Variants in BCAN observed in about 807,000 individuals in gnomAD.
BCAN encodes brevican, also known as brevican core protein.
A neutral mutation model predicts 92.4 loss-of-function variants in BCAN; 51 were observed. The observed-to-expected ratio is 0.55, with a 90% confidence interval of 0.44 to 0.70. The LOEUF is 0.70. Ranked by LOEUF, BCAN falls within the 30% of genes least tolerant of loss-of-function variation. The pLI, the probability that BCAN is intolerant of heterozygous loss-of-function variation, is 0.00. For missense variants in BCAN, 1,140 were observed against 1,212.1 expected (o/e 0.94, Z 0.88); for synonymous variants, 501 against 505.2 (o/e 0.99, Z 0.11).
Position 156,659,132 on chromosome 1 carries a change from TA to T in BCAN, c.2735del (p.Ter912TrpfsTer31). On this transcript the variant is annotated frameshift_variant and stop_lost, in exon 14 of 14. Coordinates refer to ENST00000329117, the MANE Select transcript of BCAN (RefSeq NM_021948.5). LOFTEE classifies it high-confidence loss of function. ...CCCTTCCAGCCCCATGCCAGGTCCCTAGGGGGCAAGGCCTTGAACACTGCCG... is the reference window on the plus strand; with the variant it reads ...CCCTTCCAGCCCCATGCCAGGTCCCTGGGGGCAAGGCCTTGAACACTGCCG... ...IPPSSPMPGP* is the reference protein window; with the variant it reads ...IPPSSPMPGPX 1 of 1,570,946 alleles carries T rather than the reference TA, an allele frequency of 6.4e-7. No individual in the cohort carries two copies. The highest frequency in any genetic ancestry group is 1.2e-5 in the South Asian group (1 of 85,572).
Position 156,657,738 on chromosome 1 carries a change from G to A in BCAN, c.2273G>A (p.Trp758Ter). 3 of 1,612,154 alleles carry A rather than the reference G, an allele frequency of 1.9e-6. No homozygotes were observed. The highest frequency in any genetic ancestry group is 1.1e-5 in the South Asian group (1 of 90,988). ...NDRTIEGDFL[W>*]SDGVPLLYEN... The stretch of plus-strand genomic sequence containing the variant: ...AGGACCATCGAAGGCGACTTCTTGT[G>A]GTCGGATGGCGTCCCCCTGGTGAGA... The change falls in exon 11 of 14, where the codon TGG becomes TAG. Residue 758 changes from tryptophan to a stop codon, truncating the protein, a stop_gained. Coordinates refer to ENST00000329117, the MANE Select transcript of BCAN (RefSeq NM_021948.5). LOFTEE classifies it high-confidence loss of function.
At position 156,648,051 on chromosome 1, in the gene BCAN, A is replaced by AT; in HGVS notation, c.711dup (p.Gly238TrpfsTer7). Reference sequence around the variant, plus strand: ...GATGGCTTCCCCGGGGTCCGGAACTATGGTGTGGTGGACCCGGATGACCTC... The same window carrying AT: ...GATGGCTTCCCCGGGGTCCGGAACTATTGGTGTGGTGGACCCGGATGACCTC... On this transcript the variant is annotated frameshift_variant, in exon 5 of 14. Coordinates refer to ENST00000329117, the MANE Select transcript of BCAN (RefSeq NM_021948.5). LOFTEE classifies it high-confidence loss of function. The AT allele has an allele frequency of 6.2e-7, 1 of 1,613,998 alleles. No homozygotes were observed. The highest frequency in any genetic ancestry group is 8.5e-7 in the Non-Finnish European group (1 of 1,179,962).
At chr1:156,653,200 G>C in intron 8 of BCAN, 1 of 1,348,512 alleles carries the variant, frequency 7.4e-7, no homozygotes, top group Non-Finnish European at 9.5e-7. Flanking sequence ...GCATCCTCAG[G>C]CCTCTCCAAG....
At position 156,659,016 on chromosome 1, in the gene BCAN, G is replaced by T; in HGVS notation, c.2629-11G>T. ...GAGCCAGGGTGGAGGGTGAGTGTGTGTCTTCCCCAGGCCCGAGCTCTGCAC... is the reference window on the plus strand; with the variant it reads ...GAGCCAGGGTGGAGGGTGAGTGTGTTTCTTCCCCAGGCCCGAGCTCTGCAC... On this transcript the variant is annotated splice_polypyrimidine_tract_variant and intron_variant, in intron 13 of 13. Transcript: ENST00000329117. 2 of 1,586,900 alleles carry T rather than the reference G, an allele frequency of 1.3e-6. No individual in the cohort carries two copies.
At position 156,648,631 on chromosome 1, in the gene BCAN, A is replaced by G. The variant is rs149116029; in HGVS notation, c.833A>G (p.Gln278Arg). ...LTLEEARAYCQERGAEIATTG... is the reference protein window; with the variant it reads ...LTLEEARAYCRERGAEIATTG... ...TTGGAGGAAGCACGGGCGTACTGCCAGGAGCGGGGTGCAGAGATTGCCACC... is the reference window on the plus strand; with the variant it reads ...TTGGAGGAAGCACGGGCGTACTGCCGGGAGCGGGGTGCAGAGATTGCCACC... Residue 278 changes from glutamine to arginine, a missense_variant, in exon 6 of 14, where the codon CAG (glutamine) becomes CGG (arginine). By Grantham distance (43) the Gln-to-Arg change is conservative. Around this residue, in one of 3 missense-constraint regions of BCAN, gnomAD observed 825 missense variants for 871.8 expected, o/e 0.95. Transcript: ENST00000329117. The G allele has an allele frequency of 6.2e-7, 1 of 1,610,372 alleles. No individual in the cohort carries two copies. Among genetic ancestry groups the G allele is most frequent in the African/African-American group, 1.3e-5 (1 of 74,862 alleles).
At chr1:156,655,039 C>T (rs1488610832) in intron 8 of BCAN, among the ~76,000 whole-genome samples, 6 of 152,240 alleles carry the variant, frequency 3.9e-5, no homozygotes, top group Non-Finnish European at 8.8e-5. Context: ...CACTGTGGAC[C>T]TTGGCCATGG....
chr1:156,658,320 TA>T lies in BCAN; in HGVS notation c.2437+50del. 1 of 1,601,518 alleles carries T rather than the reference TA, an allele frequency of 6.2e-7. No homozygotes were observed. The highest frequency in any genetic ancestry group is 8.5e-7 in the Non-Finnish European group (1 of 1,173,036). ...CCAGCAAGGAAGTGGAGGGGTGGGC[TA>T]GGGGACCAGAGGGACTGATGTTTGT... is the stretch of plus-strand genomic sequence containing the variant. On this transcript the variant is annotated intron_variant, in intron 12 of 13. Coordinates refer to ENST00000329117, the MANE Select transcript of BCAN (RefSeq NM_021948.5). This position sits in a 1 kb window ranked among gnomAD's most constrained non-coding sequence, Gnocchi z 4.4.
intron 8 of BCAN, among the ~76,000 whole-genome samples, chr1:156,655,117 G>A (rs867220500): frequency 1.3e-5 from 2 of 152,154 alleles, no homozygotes; most frequent in Non-Finnish European, 2.9e-5. Flanking sequence ...CATGGCTGAG[G>A]GCCTTGACCT....
At chr1:156,651,149 G>T (rs1004173496) in intron 6 of BCAN, among the ~76,000 whole-genome samples, 2 of 152,258 alleles carry the variant, frequency 1.3e-5, no homozygotes, top group Admixed American at 1.3e-4. Flanking sequence ...TCTTTATCTT[G>T]TAAGATTATA....
At chr1:156,646,670 G>A in intron 2 of BCAN, 131 bp from the exon 3 acceptor site, 5 of 1,415,182 alleles carry the variant, frequency 3.5e-6, no homozygotes, top group East Asian at 5.2e-5. Context: ...CTGGCCCCTG[G>A]CCCCTGGTCC....
rs1678837441 is a variant in BCAN, at chr1:156,642,894, T to C, written c.-9+619T>C. 1 of 152,198 alleles carries C rather than the reference T, an allele frequency of 6.6e-6. No individual in the cohort carries two copies. Among genetic ancestry groups the C allele is most frequent in the African/African-American group, 2.4e-5 (1 of 41,448 alleles). The allele number at this position is 152,198 out of a possible 1,614,324, so 9.4% of individuals were successfully genotyped here. On this transcript the variant is annotated intron_variant, in intron 1 of 13. Transcript: ENST00000329117. The surrounding 1 kb of genome is among the most constrained non-coding windows in gnomAD (Gnocchi z 4.2). ...AATCTTTTTCTCACAGTTGAGGTTA[T>C]CCACAGGAAGCATTTAGGAGAACTG...
chr1:156,646,630 C>T (rs1678974407), intron 2 of BCAN, 171 bp from the exon 3 acceptor site: 4 of 1,165,556 alleles, frequency 3.4e-6, no homozygotes, highest in South Asian at 1.7e-5. Flanking sequence ...TCCTGGAGGA[C>T]CTAGAGGTAG....
At chr1:156,654,852 G>A (rs1277091316) in intron 8 of BCAN, among the ~76,000 whole-genome samples, 1 of 152,226 alleles carries the variant, frequency 6.6e-6, no homozygotes, top group African/African-American at 2.4e-5. Context: ...AAGCTGGGAA[G>A]AAACTATTGG....
In BCAN at chr1:156,658,817, T is replaced by C; in HGVS notation, c.2628+84T>C. 1.3e-6 allele frequency: 2 copies of C among 1,562,892 alleles called. 1 individual carries two copies. The highest frequency in any genetic ancestry group is 2.3e-5 in the South Asian group (2 of 88,074). On this transcript the variant is annotated intron_variant, in intron 13 of 13. Transcript: ENST00000329117. The surrounding 1 kb of genome is among the most constrained non-coding windows in gnomAD (Gnocchi z 4.4). ...CTCCACTTAAAGTCCTGCCTGTCAC[T>C]GGCCATGTGACCTTGGAGCCATCAC...
At chr1:156,655,806 A>G (rs753230283) in intron 8 of BCAN, among the ~76,000 whole-genome samples, 2 of 152,144 alleles carry the variant, frequency 1.3e-5, no homozygotes, top group Admixed American at 6.5e-5. Flanking sequence ...ACTTCCATTC[A>G]TTCCACCTGG....
chr1:156,659,045 GAGGAGGACCCAGA>G lies in BCAN; in HGVS notation c.2652_2664del (p.Glu884AspfsTer14), dbSNP rs1557993874. The stretch of plus-strand genomic sequence containing the variant: ...TCCCCAGGCCCGAGCTCTGCACCCA[GAGGAGGACCCAGA>G]AGGACGTCAGGGGAGGCTACTGGGA... On this transcript the variant is annotated frameshift_variant, in exon 14 of 14. Transcript: ENST00000329117. LOFTEE classifies it low-confidence loss of function (END_TRUNC). The G allele has an allele frequency of 6.2e-7, 1 of 1,601,432 alleles. No homozygotes were observed. The highest frequency in any genetic ancestry group is 8.5e-7 in the Non-Finnish European group (1 of 1,175,396).
intron 1 of BCAN, among the ~76,000 whole-genome samples, chr1:156,645,178 C>CG (rs1465026992): frequency 6.6e-6 from 1 of 152,176 alleles, no homozygotes; most frequent in Non-Finnish European, 1.5e-5. Context: ...ATTCTCCCCC[C>CG]CCTTAGTCCA....
intron 1 of BCAN, among the ~76,000 whole-genome samples, chr1:156,645,774 A>G (rs1472217925): frequency 1.3e-5 from 2 of 152,218 alleles, no homozygotes; most frequent in Non-Finnish European, 2.9e-5. Context: ...AGTAATGATG[A>G]TGCTTTTTTA....
chr1:156,656,271 C>A lies in BCAN; in HGVS notation c.1943-11C>A. On this transcript the variant is annotated splice_polypyrimidine_tract_variant and intron_variant, in intron 8 of 13. Coordinates refer to ENST00000329117, the MANE Select transcript of BCAN (RefSeq NM_021948.5). ...CTCGCTCCCCCCGCCTCACTTCTTT[C>A]CCCCTCTCAGGTGACTGTGTCCCCA... is the stretch of plus-strand genomic sequence containing the variant. 2 of 1,473,444 alleles carry A rather than the reference C, an allele frequency of 1.4e-6. No homozygotes were observed. The highest frequency in any genetic ancestry group is 1.8e-6 in the Non-Finnish European group (2 of 1,122,462). 91.3% of individuals were successfully genotyped at this position (1,473,444 alleles called of 1,614,324 possible). A position where few individuals can be genotyped will look rare whatever the true frequency, so the allele number is the denominator to read the frequency against.
Sources: allele counts gnomAD v4.1 joint callset (sites outside exome capture counted in the v4.1 genomes callset), GRCh38; gene constraint gnomAD v4.1.1; regional missense constraint gnomAD v4.1.1; non-coding constraint Gnocchi (gnomAD v3.1); transcripts MANE v1.5; gene names NCBI Gene and HGNC (gene_info 2026-07-23, HGNC 2026-07-21).